CDH15: variants seen among roughly 807,000 people sequenced by gnomAD.
CDH15 encodes the protein cadherin 15.
In CDH15, 73 loss-of-function variants were observed where a neutral mutation model predicts 69.4. The observed-to-expected ratio is 1.05, with a 90% CI of 0.87 to 1.28. The LOEUF is 1.28. Ranked by LOEUF, CDH15 falls within the 50% of genes most tolerant of loss-of-function variation. The pLI is 0.00. For missense variants in CDH15, 1,343 were observed against 1,133.6 expected (o/e 1.18, Z -2.65); for synonymous variants, 624 against 507.7 (o/e 1.23, Z -3.08).
In CDH15 at chr16:89,192,306, C is replaced by T. The variant is rs1915667267; in HGVS notation, c.1717C>T (p.Gln573Ter). ...DSGQPPQQRE[Q>*]PLNVTVCRCG... ...GGGGCAGCCGCCCCAGCAGCGCGAG[C>T]AGCCTCTGAACGTGACCGTGTGCCG... The change falls in exon 11 of 14, where the codon CAG becomes TAG. Residue 573 changes from glutamine to a stop codon, truncating the protein, a stop_gained. Transcript: ENST00000289746. LOFTEE classifies it high-confidence loss of function. The T allele has an allele frequency of 1.3e-6, 2 of 1,533,982 alleles. No homozygotes were observed. The highest frequency in any genetic ancestry group is 2.4e-5 in the East Asian group (1 of 40,912).
Position 89,190,310 on chromosome 16 carries a change from AGGCGG to A in CDH15, c.1047_1051del (p.Gln349HisfsTer4). 2 of 1,612,160 alleles carry A rather than the reference AGGCGG, an allele frequency of 1.2e-6. No homozygotes were observed. Among genetic ancestry groups the A allele is most frequent in the African/African-American group, 2.7e-5 (2 of 75,054 alleles). On this transcript the variant is annotated frameshift_variant, in exon 8 of 14. Transcript: ENST00000289746. LOFTEE classifies it high-confidence loss of function. ...TCGGTGCAGAATGAGGCCCCGCTGC[AGGCGG>A]CTGCCCTTAGGGCTGAGCGGGGCCA...
At chr16:89,188,712 GCA>G (rs1214854343) in intron 7 of CDH15, among the ~76,000 whole-genome samples, 2 of 84,800 alleles carry the variant, frequency 2.4e-5, no homozygotes, top group African/African-American at 4.7e-5. Context: ...ACAGATGGCG[GCA>G]CACACAGATG....
At chr16:89,193,265 C>T (rs145251502) in intron 11 of CDH15, among the ~76,000 whole-genome samples, 2,185 of 140,020 alleles carry the variant, frequency 0.016, 36 homozygotes, top group Non-Finnish European at 0.022. Flanking sequence ...ACAACCCGGC[C>T]CCCTCCTCCC....
chr16:89,192,421 T>A lies in CDH15; in HGVS notation c.1832T>A (p.Leu611Gln). 1.3e-6 allele frequency: 2 copies of A among 1,550,872 alleles called. No individual in the cohort carries two copies. Among genetic ancestry groups the A allele is most frequent in the Non-Finnish European group, 1.7e-6 (2 of 1,155,468 alleles). ...AGCCTGGGCGCACTGGTCATCGTGCTGGCCAGCGCCCTCCTGCTGCTGGGT... is the reference window on the plus strand; with the variant it reads ...AGCCTGGGCGCACTGGTCATCGTGCAGGCCAGCGCCCTCCTGCTGCTGGGT... ...GLSLGALVIV[L>Q]ASALLLLVLV... Residue 611 changes from leucine (L) to glutamine (Q), a missense_variant, in exon 11 of 14, where the codon CTG becomes CAG. Transcript: ENST00000289746.
chr16:89,181,300 TG>T (rs1224273805), intron 3 of CDH15, among the ~76,000 whole-genome samples: 1 of 152,064 alleles, frequency 6.6e-6, no homozygotes, highest in Non-Finnish European at 1.5e-5. Context: ...TGATGCCCCT[TG>T]GGGGCTGGGA....
At chr16:89,190,202 C>T (rs755178305) in intron 7 of CDH15, 41 bp from the exon 8 acceptor site, 5 of 1,603,542 alleles carry the variant, frequency 3.1e-6, no homozygotes, top group Non-Finnish European at 1.7e-6. Flanking sequence ...GGTGCCCACA[C>T]TTGCGTTGGG....
chr16:89,185,439 C>T (rs1339255827), intron 5 of CDH15, 106 bp downstream of exon 5: 15 of 1,292,670 alleles, frequency 1.2e-5, no homozygotes, highest in South Asian at 1.1e-4. Flanking sequence ...CTGTCCCTGC[C>T]GTCACTGCAG....
At position 89,179,455 on chromosome 16, in the gene CDH15, C is replaced by T. The variant is rs1413692460; in HGVS notation, c.82C>T (p.Pro28Ser). Residue 28 changes from proline (P) to serine (S), a missense_variant, in exon 2 of 14, where the codon CCC becomes TCC. Physicochemically the swap from Pro to Ser is moderately conservative, Grantham distance 74. Coordinates refer to ENST00000289746, the MANE Select transcript of CDH15 (RefSeq NM_004933.3). ...TTTGGGGGTTCCTGGATGGAGGAGG[C>T]CCACCACCCTGTACCCCTGGCGCCG... ...LSLGVPGWRR[P>S]TTLYPWRRAP... 6.2e-7 allele frequency: 1 copy of T among 1,613,366 alleles called. No individual in the cohort carries two copies. The highest frequency in any genetic ancestry group is 8.5e-7 in the Non-Finnish European group (1 of 1,179,880).
chr16:89,179,500 G>T lies in CDH15; in HGVS notation c.127G>T (p.Val43Leu), dbSNP rs138610425. Residue 43 changes from valine (V) to leucine (L), a missense_variant, in exon 2 of 14, where the codon GTG becomes TTG. Transcript: ENST00000289746. ...GCGCCGGGCGCCTGCCCTGAGCCGC[G>T]TGCGGAGGGCCTGGGTCATCCCCCC... ...PWRRAPALSR[V>L]RRAWVIPPIS... The T allele has an allele frequency of 4.4e-5, 71 of 1,613,234 alleles. No homozygotes were observed. The highest frequency in any genetic ancestry group is 5.4e-5 in the Non-Finnish European group (64 of 1,179,848).
At chr16:89,191,171 CTG>C (rs538287455) in intron 8 of CDH15, among the ~76,000 whole-genome samples, 157 bp from the exon 9 acceptor site, 37 of 151,734 alleles carry the variant, frequency 2.4e-4, no homozygotes, top group Admixed American at 1.4e-3. Context: ...GCATGTAAGG[CTG>C]TGTGTGCGTG....
At chr16:89,190,561 C>A in intron 8 of CDH15, 65 bp downstream of exon 8, 1 of 1,542,952 alleles carries the variant, frequency 6.5e-7, no homozygotes, top group South Asian at 1.2e-5. Flanking sequence ...CTTCGGGTGC[C>A]CCTGATCCCT....
At chr16:89,184,152 G>A (rs1393620710) in intron 4 of CDH15, among the ~76,000 whole-genome samples, 2 of 152,328 alleles carry the variant, frequency 1.3e-5, no homozygotes, top group African/African-American at 2.4e-5. Flanking sequence ...AGGCCCCCTC[G>A]TGTCTGAGGC....
At chr16:89,183,434 T>A in intron 3 of CDH15, 114 bp from the exon 4 acceptor site, 1 of 1,230,108 alleles carries the variant, frequency 8.1e-7, no homozygotes, top group Non-Finnish European at 1.2e-6. Flanking sequence ...CTGTTTAAGC[T>A]GGTGTTTCCA....
Position 89,193,879 on chromosome 16 carries a change from C to T in CDH15, c.2117C>T (p.Thr706Ile). The change falls in exon 13 of 14, where the codon ACC becomes ATC. Residue 706 changes from threonine to isoleucine, a missense_variant. By Grantham distance (89) the Thr-to-Ile change is moderately conservative. Coordinates refer to ENST00000289746, the MANE Select transcript of CDH15 (RefSeq NM_004933.3). ...CCCCAGCCACCCCGAGTGCTGCCCA[C>T]CAGCCCCCTGGACATCGCCGACTTC... ...LHPQPPRVLP[T>I]SPLDIADFIN... 6.2e-7 allele frequency: 1 copy of T among 1,612,256 alleles called. No homozygotes were observed. The highest frequency in any genetic ancestry group is 1.1e-5 in the South Asian group (1 of 91,072).
intron 1 of CDH15, among the ~76,000 whole-genome samples, chr16:89,173,418 C>T (rs1915197281): frequency 6.6e-6 from 1 of 152,162 alleles, no homozygotes; most frequent in African/African-American, 2.4e-5. Flanking sequence ...GGACCTCTCC[C>T]TCCTCAGAAG....
Position 89,179,410 on chromosome 16 carries a change from T to C in CDH15, c.43-6T>C, listed in dbSNP as rs1405090384. On this transcript the variant is annotated splice_polypyrimidine_tract_variant and splice_region_variant and intron_variant, in intron 1 of 13. Coordinates refer to ENST00000289746, the MANE Select transcript of CDH15 (RefSeq NM_004933.3). ...GTACTGTGGGACGCATCTGTCTTTG[T>C]TGCAGAGCCTCTGCCTGTCTTTGGG... 6.2e-7 allele frequency: 1 copy of C among 1,613,552 alleles called. No individual in the cohort carries two copies. Among genetic ancestry groups the C allele is most frequent in the Non-Finnish European group, 8.5e-7 (1 of 1,179,878 alleles).
In CDH15 at chr16:89,191,727, TG is replaced by T. The variant is rs774534570; in HGVS notation, c.1450del (p.Ala484ProfsTer38). On this transcript the variant is annotated frameshift_variant, in exon 10 of 14. Coordinates refer to ENST00000289746, the MANE Select transcript of CDH15 (RefSeq NM_004933.3). LOFTEE classifies it high-confidence loss of function. ...GAGGTGAACGACCATGCACCTGTGC[TG>T]GCCCCGCCGCCGCCGGGCAGCCTGT... ...ILEVNDHAPV[L>X]APPPPGSLCS... 2.1e-5 allele frequency: 33 copies of T among 1,603,422 alleles called. No homozygotes were observed. The East Asian group carries it at 7.2e-4, about 35-fold the overall frequency.
Position 89,180,255 on chromosome 16 carries a change from GC to G in CDH15, c.258del (p.Val87TrpfsTer34), listed in dbSNP as rs1178914530. 3 of 1,610,070 alleles carry G rather than the reference GC, an allele frequency of 1.9e-6. No homozygotes were observed. In the South Asian group the frequency reaches 3.3e-5, roughly 18 times the overall value. ...GSVIYSIQGPGVDEEPRGVFS... is the reference protein window; with the variant it reads ...GSVIYSIQGPXVDEEPRGVFS... ...GTCATCTACAGCATCCAGGGACCCG[GC>G]GTGGATGAGGAGCCCCGGGGCGTCT... On this transcript the variant is annotated frameshift_variant, in exon 3 of 14. Coordinates refer to ENST00000289746, the MANE Select transcript of CDH15 (RefSeq NM_004933.3). LOFTEE classifies it high-confidence loss of function.
At position 89,171,860 on chromosome 16, in the gene CDH15, G is replaced by A; in HGVS notation, c.29G>A (p.Gly10Glu). The change falls in exon 1 of 14, where the codon GGG becomes GAG. Residue 10 changes from glycine (G) to glutamate (E), a missense_variant. Transcript: ENST00000289746. MDAAFLLVLGLLAQSLCLSL... is the reference protein window; with the variant it reads MDAAFLLVLELLAQSLCLSL... ...GACGCCGCGTTCCTCCTCGTCCTCG[G>A]GCTGTTGGCCCAGGTAAGGCATCGG... 1 of 1,559,288 alleles carries A rather than the reference G, an allele frequency of 6.4e-7. No individual in the cohort carries two copies. Among genetic ancestry groups the A allele is most frequent in the Non-Finnish European group, 8.7e-7 (1 of 1,155,390 alleles).
Sources: gnomAD v4.1 joint callset for allele counts (sites outside exome capture counted in the v4.1 genomes callset) on GRCh38, gnomAD v4.1.1 for gene constraint, MANE v1.5 for transcripts, NCBI Gene and HGNC (gene_info 2026-07-23, HGNC 2026-07-21) for gene names.